The following CCDC57 variants were observed in gnomAD, a reference collection of about 807,000 sequenced individuals.
The protein encoded by CCDC57 is coiled-coil domain-containing protein 57.
In CCDC57, 118 loss-of-function variants were observed where a neutral mutation model predicts 118.9. The ratio of observed to expected loss-of-function variants is 0.99; its 90% CI spans 0.86 to 1.16. The LOEUF is 1.16. Ranked by LOEUF, CCDC57 falls within the 50% of genes most tolerant of loss-of-function variation. The pLI is 0.00. For missense variants in CCDC57, 1,300 were observed against 1,320.7 expected, an observed-to-expected ratio of 0.98 and a Z score of 0.24; for synonymous variants, 527 against 532.9, an observed-to-expected ratio of 0.99 and a Z score of 0.15.
At chr17:82,101,596 C>A (rs1407389055) in exon 20 of CCDC57, 1 of 1,190,008 alleles carries the variant, frequency 8.4e-7, no homozygotes, top group Non-Finnish European at 1.2e-6. Flanking sequence ...GCTGTGCCCA[C>A]ACCCCCCCAC....
intron 9 of CCDC57, among the ~76,000 whole-genome samples, chr17:82,180,503 T>C (rs996842993): frequency 2.0e-5 from 3 of 152,212 alleles, no homozygotes; most frequent in African/African-American, 7.2e-5. Context: ...GGATACAGAG[T>C]CTTGCTCTGT....
intron 13 of CCDC57, among the ~76,000 whole-genome samples, chr17:82,170,523 AAAG>A (rs1336506642): frequency 2.6e-5 from 4 of 151,156 alleles, no homozygotes; most frequent in Non-Finnish European, 5.9e-5. Flanking sequence ...AAAAAAAAAA[AAAG>A]AGGAAGAGAC....
intron 19 of CCDC57, among the ~76,000 whole-genome samples, chr17:82,125,065 CAGAG>C (rs1021489726): frequency 6.6e-6 from 1 of 152,170 alleles, no homozygotes; most frequent in African/African-American, 2.4e-5. Flanking sequence ...GCGTGGAAGA[CAGAG>C]AGAAACGCGC....
chr17:82,116,462 T>C (rs568959898), intron 19 of CCDC57, among the ~76,000 whole-genome samples: 162 of 152,194 alleles, frequency 1.1e-3, no homozygotes, highest in Middle Eastern at 3.4e-3. Flanking sequence ...CCCTACCCAC[T>C]TCTCCTATGC....
intron 17 of CCDC57, among the ~76,000 whole-genome samples, chr17:82,132,804 G>A (rs111829311): frequency 4.5e-5 from 6 of 133,200 alleles, no homozygotes; most frequent in African/African-American, 1.7e-4. Flanking sequence ...CTGTCGCCCA[G>A]GCTGGAGTGT....
chr17:82,196,711 T>G (rs914207294), intron 4 of CCDC57, among the ~76,000 whole-genome samples: 1 of 151,460 alleles, frequency 6.6e-6, no homozygotes, highest in African/African-American at 2.4e-5. Context: ...CCTACCTGCA[T>G]AGACAGAGCC....
chr17:82,207,291 C>G (rs2049778667), intron 2 of CCDC57, among the ~76,000 whole-genome samples: 1 of 151,840 alleles, frequency 6.6e-6, no homozygotes, highest in Non-Finnish European at 1.5e-5. Context: ...TGTGATTGCA[C>G]CACTGCACTC....
intron 11 of CCDC57, among the ~76,000 whole-genome samples, chr17:82,175,364 G>A (rs1361851870): frequency 6.6e-6 from 1 of 152,236 alleles, no homozygotes; most frequent in Non-Finnish European, 1.5e-5. Flanking sequence ...CGGCAAGCAA[G>A]GCTCAGAGGG....
intron 13 of CCDC57, among the ~76,000 whole-genome samples, chr17:82,168,181 A>G (rs576726429): frequency 6.6e-6 from 1 of 152,348 alleles, no homozygotes; most frequent in African/African-American, 2.4e-5. Context: ...GTACTTGAAA[A>G]ATATTATGCC....
intron 5 of CCDC57, 170 bp from the exon 5 acceptor site, chr17:82,194,309 C>CTT (rs10626911): frequency 0.38 from 192,716 of 511,532 alleles, 20,615 homozygotes; most frequent in East Asian, 0.59. Flanking sequence ...GACTCAATGA[C>CTT]TTTTTTTTTT....
In CCDC57 at chr17:82,152,953, G is replaced by C. The variant is rs900857267; in HGVS notation, c.2242-1180C>G. Among the ~76,000 whole-genome samples, 3 of 152,228 alleles carry C rather than the reference G, an allele frequency of 2.0e-5. No individual in the cohort carries two copies. In the East Asian group the frequency reaches 5.8e-4, roughly 29 times the overall value. ...GAGATGTCTGCTTTCCTCTTGGACA[G>C]AGAAAGTTCTATGGTGCCGCAGGCC... On this transcript the variant is annotated intron_variant, in intron 15 of 19. Transcript: ENST00000665763.
chr17:82,209,257 C>CA (rs920684524), intron 1 of CCDC57, among the ~76,000 whole-genome samples: 4 of 151,180 alleles, frequency 2.6e-5, no homozygotes, highest in African/African-American at 9.7e-5. Context: ...GTGCATTTGC[C>CA]AAAAAAAAGT....
At chr17:82,114,437 A>G (rs1175223357) in intron 19 of CCDC57, among the ~76,000 whole-genome samples, 1 of 152,218 alleles carries the variant, frequency 6.6e-6, no homozygotes, top group African/African-American at 2.4e-5. Context: ...GGTCCTGCAG[A>G]GGCCAATCAC....
At chr17:82,106,576 C>G (rs2034860869) in intron 19 of CCDC57, 1 of 152,334 alleles carries the variant, frequency 6.6e-6, no homozygotes, top group African/African-American at 2.4e-5. Context: ...GGAGAACGCC[C>G]TGAGGCCCCG....
chr17:82,179,185 T>A lies in CCDC57; in HGVS notation c.1216A>T (p.Lys406Ter), dbSNP rs749195722. ...TCCACTGCCAGGGACAGCTGTTGCT[T>A]GTACCTAAGGACACGTCCAACCGCT... Residue 406 changes from lysine to a stop codon, truncating the protein, a stop_gained, in exon 10 of 20, where the codon AAG (lysine) becomes TAG (stop). Transcript: ENST00000665763. LOFTEE classifies it high-confidence loss of function. 1 of 1,613,398 alleles carries A rather than the reference T, an allele frequency of 6.2e-7. No individual in the cohort carries two copies. The highest frequency in any genetic ancestry group is 8.5e-7 in the Non-Finnish European group (1 of 1,179,640).
chr17:82,142,476 C>G (rs1407042840), intron 16 of CCDC57, among the ~76,000 whole-genome samples: 2 of 152,100 alleles, frequency 1.3e-5, no homozygotes, highest in East Asian at 3.9e-4. Context: ...CCAAGCCCGG[C>G]TAATTTTTAT....
intron 9 of CCDC57, among the ~76,000 whole-genome samples, chr17:82,180,604 T>C (rs1228168282): frequency 6.6e-6 from 1 of 152,122 alleles, no homozygotes; most frequent in Non-Finnish European, 1.5e-5. Context: ...GCCTCTTGAG[T>C]AGCTGGGACT....
intron 16 of CCDC57, among the ~76,000 whole-genome samples, chr17:82,139,013 G>A (rs989936747): frequency 3.3e-5 from 5 of 152,258 alleles, no homozygotes; most frequent in Non-Finnish European, 7.4e-5. Flanking sequence ...GACGGCCACC[G>A]CCTGCCCCAC....
intron 7 of CCDC57, among the ~76,000 whole-genome samples, chr17:82,190,287 G>C (rs950194173): frequency 6.6e-6 from 1 of 152,192 alleles, no homozygotes; most frequent in South Asian, 2.1e-4. Flanking sequence ...GTGTAATACT[G>C]TAAACCTTCA....
Sources: gnomAD v4.1 joint callset for allele counts (sites outside exome capture counted in the v4.1 genomes callset) on GRCh38, gnomAD v4.1.1 for gene constraint, MANE v1.5 for transcripts, NCBI Gene and HGNC (gene_info 2026-07-23, HGNC 2026-07-21) for gene names.